The following IDE variants were observed in gnomAD, a reference collection of about 807,000 sequenced individuals.
The protein encoded by IDE is insulin degrading enzyme, also known as insulin-degrading enzyme.
IDE carries 58 observed loss-of-function variants against 133.2 expected under a neutral mutation model. The ratio of observed to expected loss-of-function variants is 0.44; its 90% confidence interval spans 0.35 to 0.54. IDE has a LOEUF of 0.54. IDE is among the 20% of genes least tolerant of loss of function. The pLI, the probability that IDE is intolerant of heterozygous loss-of-function variation, is 0.00. For missense variants in IDE, 981 were observed against 1,234.0 expected (o/e 0.79, Z 3.07); for synonymous variants, 396 against 421.3 (o/e 0.94, Z 0.73).
rs1844875042 is a variant in IDE, at chr10:92,454,324, A to G, written c.*120T>C. 4.6e-6 allele frequency: 3 copies of G among 657,278 alleles called. No homozygotes were observed. The South Asian group carries it at 6.4e-5, about 14-fold the overall frequency. 40.7% of individuals were successfully genotyped at this position (657,278 alleles called of 1,614,324 possible). A position where few individuals can be genotyped will look rare whatever the true frequency, so the allele number is the denominator to read the frequency against. On this transcript the variant is annotated 3_prime_UTR_variant, in exon 25 of 25. Coordinates refer to ENST00000265986, the MANE Select transcript of IDE (RefSeq NM_004969.4). Reference sequence around the variant, plus strand: ...TATTTCTACATAATGACATTTGACAATTTTTTGTTTGTTTCTCTAATAGTG... The same window carrying G: ...TATTTCTACATAATGACATTTGACAGTTTTTTGTTTGTTTCTCTAATAGTG...
intron 15 of IDE, among the ~76,000 whole-genome samples, chr10:92,477,350 G>T (rs1846323473): frequency 6.6e-6 from 1 of 151,840 alleles, no homozygotes. Flanking sequence ...ACAGGGTCTT[G>T]CCATGTTGCC....
At chr10:92,510,009 C>T (rs1267258004) in intron 6 of IDE, 41 bp downstream of exon 6, 1 of 962,912 alleles carries the variant, frequency 1.0e-6, no homozygotes, top group Non-Finnish European at 1.7e-6. Context: ...ATATTATGTC[C>T]ATAAATTAAG....
chr10:92,498,851 A>G (rs116153460), intron 11 of IDE, among the ~76,000 whole-genome samples: 5,371 of 152,154 alleles, frequency 0.035, 358 homozygotes, highest in African/African-American at 0.12. Flanking sequence ...TTGAACCTGG[A>G]AAACAGATTG....
chr10:92,516,284 A>T (rs1383533777), intron 4 of IDE, among the ~76,000 whole-genome samples: 1 of 152,060 alleles, frequency 6.6e-6, no homozygotes, highest in Non-Finnish European at 1.5e-5. Context: ...ACCTGAGGTG[A>T]GGAGTTCAAG....
At chr10:92,499,986 T>C (rs903073978) in intron 11 of IDE, among the ~76,000 whole-genome samples, 7 of 152,142 alleles carry the variant, frequency 4.6e-5, no homozygotes, top group South Asian at 2.1e-4. Flanking sequence ...ATTATGTTGA[T>C]GCTCTTCTCA....
chr10:92,458,677 T>C (rs897742461), intron 22 of IDE, among the ~76,000 whole-genome samples: 6 of 150,968 alleles, frequency 4.0e-5, no homozygotes, highest in African/African-American at 1.2e-4. Flanking sequence ...AATTTTTGTA[T>C]TTTTAGTAGA....
rs1265121261 is a variant in IDE, at chr10:92,573,960, G to A, written c.60C>T (p.Val20=). 6.1e-6 allele frequency: 9 copies of A among 1,486,016 alleles called. 1 individual carries two copies. The South Asian group carries it at 1.0e-4, about 17-fold the overall frequency. The allele number at this position is 1,486,016 out of a possible 1,614,324, so 92.1% of individuals were successfully genotyped here. ...HPALPSTFRS[V]LGARLPPPER... ...CCGGAGGCGGCAGGCGGGCGCCGAG[G>A]ACTGAGCGGAAGGTGCTGGGCAGTG... is the stretch of plus-strand genomic sequence containing the variant. The change falls in exon 1 of 25, where the codon GTC becomes GTT. Residue 20 remains valine (V), a synonymous_variant. Coordinates refer to ENST00000265986, the MANE Select transcript of IDE (RefSeq NM_004969.4).
chr10:92,490,454 C>A lies in IDE; in HGVS notation c.1533+39G>T. ...CTAGGGAGCAATGTTCTTGTGATTCCTCACATGTCAGGCTTATTCATAGAT... is the reference window on the plus strand; with the variant it reads ...CTAGGGAGCAATGTTCTTGTGATTCATCACATGTCAGGCTTATTCATAGAT... On this transcript the variant is annotated intron_variant, in intron 12 of 24. Transcript: ENST00000265986. The A allele has an allele frequency of 2.4e-6, 3 of 1,259,938 alleles. No homozygotes were observed. The East Asian group carries it at 6.9e-5, about 29-fold the overall frequency. 78.0% of individuals were successfully genotyped at this position (1,259,938 alleles called of 1,614,324 possible).
chr10:92,492,495 C>A (rs1169243542), intron 11 of IDE, among the ~76,000 whole-genome samples: 1 of 152,130 alleles, frequency 6.6e-6, no homozygotes, highest in East Asian at 1.9e-4. Flanking sequence ...AGGCTGGGAC[C>A]AATCCTATTT....
At position 92,475,982 on chromosome 10, in the gene IDE, CT is replaced by C; in HGVS notation, c.1896del (p.Gly633ValfsTer10). The C allele has an allele frequency of 2.1e-6, 3 of 1,459,728 alleles. No individual in the cohort carries two copies. Among genetic ancestry groups the C allele is most frequent in the Non-Finnish European group, 2.8e-6 (3 of 1,055,722 alleles). 90.4% of individuals were successfully genotyped at this position (1,459,728 alleles called of 1,614,324 possible). On this transcript the variant is annotated frameshift_variant, in exon 16 of 25. Transcript: ENST00000265986. LOFTEE classifies it high-confidence loss of function. ...NTIYGMYLSV[K>X]GYNDKQPILL... ...AAAATTGGCTGCTTGTCATTGTAACCTTTCACTGAAAGCTACAGAAAGAATT... is the reference window on the plus strand; with the variant it reads ...AAAATTGGCTGCTTGTCATTGTAACCTTCACTGAAAGCTACAGAAAGAATT...
intron 13 of IDE, among the ~76,000 whole-genome samples, chr10:92,484,546 A>G (rs1055618220): frequency 4.6e-5 from 7 of 152,208 alleles, no homozygotes. Flanking sequence ...CAGCCTGGCC[A>G]AAACAGCAAA....
chr10:92,463,875 A>C lies in IDE; in HGVS notation c.2617T>G (p.Ser873Ala). 6.2e-7 allele frequency: 1 copy of C among 1,614,102 alleles called. No homozygotes were observed. Among genetic ancestry groups the C allele is most frequent in the Non-Finnish European group, 8.5e-7 (1 of 1,180,016 alleles). Residue 873 changes from serine (S) to alanine (A), a missense_variant, in exon 21 of 25, where the codon TCC becomes GCC. Around this residue, in one of 2 missense-constraint regions of IDE, gnomAD observed 660 missense variants for 894.7 expected, o/e 0.74. Transcript: ENST00000265986. ...GCCTCTTCTGTCATGTCCTCTATGG[A>C]CTTTTCCATGGTAATTAAGAAAGCT... ...VEAFLITMEKSIEDMTEEAFQ... is the reference protein window; with the variant it reads ...VEAFLITMEKAIEDMTEEAFQ...
intron 12 of IDE, among the ~76,000 whole-genome samples, chr10:92,488,932 TA>T (rs56377277): frequency 2.5e-3 from 201 of 78,982 alleles, no homozygotes; most frequent in Non-Finnish European, 3.4e-3. Flanking sequence ...TTTCATTATT[TA>T]AAAAAAAAAA....
At chr10:92,549,679 CAT>C (rs1433800361) in intron 1 of IDE, among the ~76,000 whole-genome samples, 2 of 151,882 alleles carry the variant, frequency 1.3e-5, no homozygotes, top group Admixed American at 6.6e-5. Context: ...TCTTGTGGCA[CAT>C]ATACTTGTTT....
At position 92,461,645 on chromosome 10, in the gene IDE, C is replaced by T. The variant is rs7081224; in HGVS notation, c.2762-393G>A. Among the ~76,000 whole-genome samples, 597 of 151,852 alleles carry T rather than the reference C, an allele frequency of 3.9e-3. 7 individuals are homozygous for T. The highest frequency in any genetic ancestry group is 0.013 in the African/African-American group (558 of 41,412). On this transcript the variant is annotated intron_variant, in intron 21 of 24. Transcript: ENST00000265986. ...TGCCGGGATTATAGGCGTGAGCCAT[C>T]GCGTCTGGCCAAGTATTCACAATTT...
At chr10:92,554,981 C>G (rs571222231) in intron 1 of IDE, 1 of 152,092 alleles carries the variant, frequency 6.6e-6, no homozygotes, top group Non-Finnish European at 1.5e-5. Context: ...CAGCCTTTCA[C>G]GGTAAAAACT....
Position 92,464,021 on chromosome 10 carries a change from G to C in IDE, c.2489-18C>G. 6.2e-7 allele frequency: 1 copy of C among 1,604,124 alleles called. No homozygotes were observed. The highest frequency in any genetic ancestry group is 1.7e-4 in the Middle Eastern group (1 of 6,010). The stretch of plus-strand genomic sequence containing the variant: ...GATATAGCCTGAAACACAGACATCA[G>C]CCAGTCATGACCGTGGCATTTGAGA... On this transcript the variant is annotated intron_variant, in intron 20 of 24. Coordinates refer to ENST00000265986, the MANE Select transcript of IDE (RefSeq NM_004969.4).
intron 4 of IDE, among the ~76,000 whole-genome samples, chr10:92,524,425 A>ATTTTATATAATATATATTATATATT (rs1849451373): frequency 2.7e-5 from 2 of 74,990 alleles, no homozygotes; most frequent in Non-Finnish European, 4.8e-5. Flanking sequence ...TATTATATAT[A>ATTTTATATAATATATATTATATATT]ATATATTTTA....
In IDE at chr10:92,573,995, G is replaced by A. The variant is rs1466988044; in HGVS notation, c.25C>T (p.Leu9=). 2 of 1,511,280 alleles carry A rather than the reference G, an allele frequency of 1.3e-6. No homozygotes were observed. Among genetic ancestry groups the A allele is most frequent in the Non-Finnish European group, 1.8e-6 (2 of 1,132,122 alleles). 93.6% of individuals were successfully genotyped at this position (1,511,280 alleles called of 1,614,324 possible). Residue 9 remains leucine (L), a synonymous_variant, in exon 1 of 25, where the codon CTG becomes TTG. Transcript: ENST00000265986. ...AAGGTGCTGGGCAGTGCGGGGTGCA[G>A]AAGCCACGCTAGCCGGTACCGCATT... MRYRLAWL[L]HPALPSTFRS... is the part of the protein sequence containing the mutation.
Sources: gnomAD v4.1 joint callset for allele counts (sites outside exome capture counted in the v4.1 genomes callset) on GRCh38, gnomAD v4.1.1 for gene constraint, gnomAD v4.1.1 regional missense constraint, MANE v1.5 for transcripts, NCBI Gene and HGNC (gene_info 2026-07-23, HGNC 2026-07-21) for gene names.